Variants in GALNT14 observed in about 807,000 individuals in gnomAD.
GALNT14 encodes the protein polypeptide N-acetylgalactosaminyltransferase 14.
In GALNT14, 60 loss-of-function variants were observed where a neutral mutation model predicts 77.5. That is an observed-to-expected ratio of 0.77 (90% CI 0.63 to 0.96). The LOEUF (loss-of-function observed/expected upper bound fraction) is 0.96. Among genes scored for constraint, GALNT14 ranks in the 40% least tolerant of loss-of-function variants. The probability of loss-of-function intolerance (pLI) is 0.00; values close to 1 mark genes in which losing one functional copy is unlikely to be tolerated. For missense variants in GALNT14, 710 were observed against 731.0 expected (o/e 0.97, Z 0.33); for synonymous variants, 280 against 281.7 (o/e 0.99, Z 0.06).
At position 31,037,555 on chromosome 2, in the gene GALNT14, T is replaced by C. The variant is rs556141383; in HGVS notation, c.130-44548A>G. Among the ~76,000 whole-genome samples, 6 of 152,364 alleles carry C rather than the reference T, an allele frequency of 3.9e-5. No homozygotes were observed. In the East Asian group the frequency reaches 9.6e-4, roughly 24 times the overall value. On this transcript the variant is annotated intron_variant, in intron 1 of 14. Transcript: ENST00000349752. ...TCTTTGTAGAAGTCATGCTTTCCCA[T>C]ACTTTTGCATATCTCTTAATCTTTG...
At chr2:30,902,156 G>A in the GALNT14 span, among the ~76,000 whole-genome samples, 1 of 152,158 alleles carries the variant, frequency 6.6e-6, no homozygotes, top group African/African-American at 2.4e-5. Flanking sequence ...AGGCATCCCT[G>A]GGGCTGGAGA....
At position 31,129,676 on chromosome 2, in the gene GALNT14, G is replaced by A. The variant is rs953549798; in HGVS notation, c.129+8282C>T. The A allele has an allele frequency of 1.1e-5, 11 of 983,838 alleles. No individual in the cohort carries two copies. The African/African-American group carries it at 1.7e-4, about 16-fold the overall frequency. The allele number at this position is 983,838 out of a possible 1,614,324, so 60.9% of individuals were successfully genotyped here. A position where few individuals can be genotyped will look rare whatever the true frequency, so the allele number is the denominator to read the frequency against. ...ATGCCTGCATGTTGCAGCTGCGAGA[G>A]ATGGGCACATAAATATTGATTGGAC... On this transcript the variant is annotated intron_variant, in intron 1 of 14. Coordinates refer to ENST00000349752, the MANE Select transcript of GALNT14 (RefSeq NM_024572.4).
At chr2:31,030,337 T>C (rs1162407490) in intron 1 of GALNT14, among the ~76,000 whole-genome samples, 5 of 151,616 alleles carry the variant, frequency 3.3e-5, no homozygotes, top group Non-Finnish European at 7.4e-5. Flanking sequence ...CAGGGCTGGA[T>C]GGAAAAAAAA....
chr2:31,123,990 G>A (rs991908051), intron 1 of GALNT14, among the ~76,000 whole-genome samples: 2 of 152,178 alleles, frequency 1.3e-5, no homozygotes, highest in African/African-American at 4.8e-5. Flanking sequence ...CAGAAGTGGT[G>A]AGGGAGGGGC....
intron 1 of GALNT14, among the ~76,000 whole-genome samples, chr2:31,000,896 G>A (rs1670330543): frequency 6.6e-6 from 1 of 152,062 alleles, no homozygotes; most frequent in Admixed American, 6.6e-5. Context: ...GTGAGTGAGG[G>A]GTACCTAAAG....
chr2:31,120,254 T>C (rs1678339656), intron 1 of GALNT14, among the ~76,000 whole-genome samples: 1 of 152,218 alleles, frequency 6.6e-6, no homozygotes, highest in East Asian at 1.9e-4. Flanking sequence ...ATATATAATG[T>C]GATCAATCTC....
At chr2:30,913,406 G>T (rs1380129189) in intron 13 of GALNT14, among the ~76,000 whole-genome samples, 3 of 152,106 alleles carry the variant, frequency 2.0e-5, no homozygotes, top group Non-Finnish European at 4.4e-5. Context: ...GAATGAAAAA[G>T]TCCACTTAGC....
At chr2:30,902,147 G>C in the GALNT14 span, among the ~76,000 whole-genome samples, 1 of 152,300 alleles carries the variant, frequency 6.6e-6, no homozygotes, top group South Asian at 2.1e-4. Flanking sequence ...TGCAGGCAAA[G>C]GCATCCCTGG....
At chr2:30,954,695 G>A (rs1667249674) in intron 6 of GALNT14, among the ~76,000 whole-genome samples, 1 of 152,218 alleles carries the variant, frequency 6.6e-6, no homozygotes, top group Admixed American at 6.5e-5. Flanking sequence ...TCATTATGCA[G>A]GTAGGAGTTT....
intron 13 of GALNT14, among the ~76,000 whole-genome samples, chr2:30,918,101 C>T (rs1192356904): frequency 6.6e-6 from 1 of 152,224 alleles, no homozygotes; most frequent in African/African-American, 2.4e-5. Context: ...ACCTGGTGGG[C>T]TCCTAGACAC....
intron 1 of GALNT14, among the ~76,000 whole-genome samples, chr2:31,102,886 C>T (rs191549489): frequency 6.6e-6 from 1 of 152,086 alleles, no homozygotes; most frequent in East Asian, 1.9e-4. Context: ...GCATTTTAAT[C>T]TGAATTCCAC....
chr2:30,945,074 G>T, intron 7 of GALNT14, 132 bp from the exon 8 acceptor site: 1 of 662,846 alleles, frequency 1.5e-6, no homozygotes. Flanking sequence ...CCCTGGGATT[G>T]CAGGTTTCCC....
chr2:30,902,934 T>G, the GALNT14 span, among the ~76,000 whole-genome samples: 2 of 152,186 alleles, frequency 1.3e-5, no homozygotes, highest in Non-Finnish European at 2.9e-5. Context: ...CATTCTTCTT[T>G]GCAGGCCTGG....
rs142836502 is a variant in GALNT14 at position 30,962,165 on chromosome 2, G to A, written c.399-3701C>T. Among the ~76,000 whole-genome samples the A allele has an allele frequency of 5.2e-3, 796 of 152,268 alleles. 5 individuals carry two copies. Among genetic ancestry groups the A allele is most frequent in the African/African-American group, 0.018 (759 of 41,540 alleles). On this transcript the variant is annotated intron_variant, in intron 3 of 14. Transcript: ENST00000349752. ...CACCGCTCAGGCTCACCATATGCCA[G>A]GCACTGCTCCAAGTCCTTTCCCTAT...
Position 30,924,314 on chromosome 2 carries a change from C to G in GALNT14, c.1236-51G>C, listed in dbSNP as rs774748855. On this transcript the variant is annotated intron_variant, in intron 12 of 14. Coordinates refer to ENST00000349752, the MANE Select transcript of GALNT14 (RefSeq NM_024572.4). ...GAGAGTCCACTGCTCATTGGATTAG[C>G]AAGACTACCAGCTGGAGAGGGTGGG... 5.7e-6 allele frequency: 9 copies of G among 1,590,000 alleles called. No homozygotes were observed. The South Asian group carries it at 8.9e-5, about 16-fold the overall frequency.
intron 1 of GALNT14, among the ~76,000 whole-genome samples, chr2:31,022,186 G>A (rs1376681992): frequency 6.6e-6 from 1 of 152,220 alleles, no homozygotes; most frequent in Non-Finnish European, 1.5e-5. Context: ...AGAAAGGGGA[G>A]GAAGGGAGGG....
chr2:31,114,989 G>A (rs1182175230), intron 1 of GALNT14, among the ~76,000 whole-genome samples: 1 of 152,204 alleles, frequency 6.6e-6, no homozygotes, highest in African/African-American at 2.4e-5. Flanking sequence ...GCTCATGCCT[G>A]TAATCCCAAC....
intron 1 of GALNT14, among the ~76,000 whole-genome samples, chr2:31,109,192 C>T (rs1677716762): frequency 6.6e-6 from 1 of 152,190 alleles, no homozygotes; most frequent in African/African-American, 2.4e-5. Flanking sequence ...CCAAATGCAG[C>T]CATTACTTCA....
At chr2:31,123,350 A>G (rs1338324199) in intron 1 of GALNT14, among the ~76,000 whole-genome samples, 1 of 152,120 alleles carries the variant, frequency 6.6e-6, no homozygotes, top group Non-Finnish European at 1.5e-5. Context: ...CAGTGGAGAA[A>G]GTAGGGGTTG....
Sources: allele counts gnomAD v4.1 joint callset (sites outside exome capture counted in the v4.1 genomes callset), GRCh38; gene constraint gnomAD v4.1.1; transcripts MANE v1.5; gene names NCBI Gene and HGNC (gene_info 2026-07-23, HGNC 2026-07-21).